The following CASTOR1 variants were observed in gnomAD, a reference collection of about 807,000 sequenced individuals.
CASTOR1 encodes the protein cytosolic arginine sensor for mTORC1 subunit 1, also known as GATS protein like 3.
Under a neutral mutation model 33.7 loss-of-function variants are expected in CASTOR1, and 18 were observed. The ratio of observed to expected loss-of-function variants is 0.53; its 90% confidence interval spans 0.37 to 0.79. The LOEUF is 0.79. CASTOR1 is among the 30% of genes least tolerant of loss of function. The pLI is 0.00. For synonymous variants in CASTOR1, 175 were observed against 190.6 expected, an observed-to-expected ratio of 0.92 and a Z score of 0.67; for missense variants, 362 against 446.3, an observed-to-expected ratio of 0.81 and a Z score of 1.70.
At chr22:30,288,798 C>T (rs28619211) in intron 1 of CASTOR1, 22 bp from the exon 2 acceptor site, 2 of 1,601,268 alleles carry the variant, frequency 1.2e-6, no homozygotes, top group Non-Finnish European at 1.7e-6. Flanking sequence ...TGGGGAGCAT[C>T]TTCAGCTTGG....
rs762856019 is a variant in CASTOR1, at chr22:30,286,319, G to A, written c.687C>T (p.Ala229=). Residue 229 remains alanine, a synonymous_variant, in exon 6 of 9, where the codon GCC becomes GCT. Coordinates refer to ENST00000407689, the MANE Select transcript of CASTOR1 (RefSeq NM_001037666.3). The part of the protein sequence containing the change: ...SPEPSSITFF[A]FSLIEGYISI... ...AGATATAACCCTCGATGAGGGAGAAGGCAAAGAACGTGATGGAGCTGGGTT... is the reference window on the plus strand; with the variant it reads ...AGATATAACCCTCGATGAGGGAGAAAGCAAAGAACGTGATGGAGCTGGGTT... 7.4e-6 allele frequency: 12 copies of A among 1,614,048 alleles called. No individual in the cohort carries two copies. The Admixed American group carries it at 1.5e-4, about 20-fold the overall frequency.
chr22:30,285,888 C>A lies in CASTOR1; in HGVS notation c.865G>T (p.Ala289Ser). 1 of 1,609,670 alleles carries A rather than the reference C, an allele frequency of 6.2e-7. No homozygotes were observed. Among genetic ancestry groups the A allele is most frequent in the Non-Finnish European group, 8.5e-7 (1 of 1,178,494 alleles). Residue 289 changes from alanine to serine, a missense_variant, in exon 8 of 9, where the codon GCT becomes TCT. Ala to Ser is a moderately conservative substitution (Grantham distance 99). Transcript: ENST00000407689. ...TAGTAGGCAGAGATGTCAGCGGCAG[C>A]CAGGGGACCTGCAATCTGTGCCACG... ...GIVAQIAGPL[A>S]AADISAYYIS...
At chr22:30,287,022 C>T (rs978698378) in intron 4 of CASTOR1, 74 bp from the exon 5 acceptor site, 2 of 1,563,792 alleles carry the variant, frequency 1.3e-6, no homozygotes, top group Admixed American at 1.8e-5. Flanking sequence ...CAGGGAGAGG[C>T]GTGGGCCAGG....
At chr22:30,287,043 G>C in intron 4 of CASTOR1, 95 bp from the exon 5 acceptor site, 1 of 1,553,264 alleles carries the variant, frequency 6.4e-7, no homozygotes, top group Non-Finnish European at 8.7e-7. Context: ...GGCAGGTCTT[G>C]CTATCCAGGA....
rs1360258670 is a variant in CASTOR1, at chr22:30,289,493, T to C, written c.5A>G (p.Glu2Gly). 3.8e-6 allele frequency: 6 copies of C among 1,568,364 alleles called. No individual in the cohort carries two copies. Among genetic ancestry groups the C allele is most frequent in the Non-Finnish European group, 5.2e-6 (6 of 1,164,252 alleles). ...CACCCGGTGTTCTAGGATGTGCAGC[T>C]CCATCGCGGCTCGCGCGGACCCGAC... is the stretch of plus-strand genomic sequence containing the variant. Reference protein sequence around the residue: MELHILEHRVRV... With the variant: MGLHILEHRVRV... The change falls in exon 1 of 9, where the codon GAG (glutamate) becomes GGG (glycine). Residue 2 changes from glutamate (E) to glycine (G), a missense_variant. Physicochemically the swap from Glu to Gly is moderately conservative, Grantham distance 98. Coordinates refer to ENST00000407689, the MANE Select transcript of CASTOR1 (RefSeq NM_001037666.3).
Position 30,285,939 on chromosome 22 carries a change from G to A in CASTOR1, c.827-13C>T. The A allele has an allele frequency of 1.3e-6, 2 of 1,597,120 alleles. No individual in the cohort carries two copies. The highest frequency in any genetic ancestry group is 1.7e-6 in the Non-Finnish European group (2 of 1,172,340). On this transcript the variant is annotated splice_polypyrimidine_tract_variant and intron_variant, in intron 7 of 8. Transcript: ENST00000407689. ...ATGCCACATTCATCTGAGGGTGGTG[G>A]AGGAAGGCCACATGTGGCACATGCC...
At position 30,286,391 on chromosome 22, in the gene CASTOR1, G is replaced by C; in HGVS notation, c.630-15C>G. The C allele has an allele frequency of 1.3e-6, 2 of 1,555,522 alleles. No individual in the cohort carries two copies. Among genetic ancestry groups the C allele is most frequent in the Non-Finnish European group, 1.8e-6 (2 of 1,127,636 alleles). On this transcript the variant is annotated splice_polypyrimidine_tract_variant and intron_variant, in intron 5 of 8. Coordinates refer to ENST00000407689, the MANE Select transcript of CASTOR1 (RefSeq NM_001037666.3). ...CCTTGGGGGTGCTGGGGAGGGATGG[G>C]AGGTTTAGGGGCTCTACCAGGCACC...
Position 30,289,492 on chromosome 22 carries a change from C to A in CASTOR1, c.6G>T (p.Glu2Asp), listed in dbSNP as rs950853836. Residue 2 changes from glutamate to aspartate, a missense_variant, in exon 1 of 9, where the codon GAG (glutamate) becomes GAT (aspartate). Transcript: ENST00000407689. ...GCACCCGGTGTTCTAGGATGTGCAG[C>A]TCCATCGCGGCTCGCGCGGACCCGA... M[E>D]LHILEHRVRV... The A allele has an allele frequency of 1.3e-6, 2 of 1,570,452 alleles. No homozygotes were observed. Among genetic ancestry groups the A allele is most frequent in the Non-Finnish European group, 8.6e-7 (1 of 1,165,026 alleles).
At chr22:30,287,991 T>C (rs1428533795) in intron 2 of CASTOR1, 1 of 427,448 alleles carries the variant, frequency 2.3e-6, no homozygotes, top group Admixed American at 2.6e-5. Flanking sequence ...CTTCCCCTTT[T>C]GCAGACCCAG....
At chr22:30,286,154 T>C in intron 6 of CASTOR1, 56 bp from the exon 7 acceptor site, 1 of 1,447,848 alleles carries the variant, frequency 6.9e-7, no homozygotes, top group South Asian at 1.3e-5. Context: ...TGCCTGACCG[T>C]GAGCTCTGGG....
At chr22:30,289,316 T>G in intron 1 of CASTOR1, 69 bp downstream of exon 1, 1 of 1,167,646 alleles carries the variant, frequency 8.6e-7, no homozygotes, top group Non-Finnish European at 1.2e-6. Flanking sequence ...ATCCTAATCC[T>G]CCGACCCTGG....
At position 30,286,074 on chromosome 22, in the gene CASTOR1, G is replaced by C; in HGVS notation, c.768C>G (p.Thr256=). 6.3e-7 allele frequency: 1 copy of C among 1,579,730 alleles called. No individual in the cohort carries two copies. Among genetic ancestry groups the C allele is most frequent in the Non-Finnish European group, 8.6e-7 (1 of 1,161,062 alleles). Residue 256 remains threonine (T), a synonymous_variant, in exon 7 of 9, where the codon ACC becomes ACG. Transcript: ENST00000407689. ...TCCTCCACAGCTCCCCCGAGGAGCT[G>C]GTCAGCAGGAGGTCACTGGGGAACC... is the stretch of plus-strand genomic sequence containing the variant. ...QKKFPSDLLL[T]SSSGELWRMV...
rs5753058 is a variant in CASTOR1, at chr22:30,287,296, C to G, written c.373-9G>C. The G allele has an allele frequency of 0.22, 350,344 of 1,572,102 alleles. 41,023 individuals carry two copies. The highest frequency in any genetic ancestry group is 0.28 in the Middle Eastern group (1,624 of 5,876). On this transcript the variant is annotated splice_polypyrimidine_tract_variant and intron_variant, in intron 3 of 8. Transcript: ENST00000407689. ...AGGTCCTGCTCCCGCACCTGGGCCA[C>G]AGCAGATGGCACATCACATGGGCTC...
chr22:30,287,150 C>A lies in CASTOR1; in HGVS notation c.505+5G>T, dbSNP rs746338978. 3.7e-6 allele frequency: 6 copies of A among 1,608,526 alleles called. No homozygotes were observed. In the South Asian group the frequency reaches 4.4e-5, roughly 12 times the overall value. ...CAAGTCCAAGTGTCAGGGGGCGGCC[C>A]TCACCATGCTGAGTGCGGGGAAAGC... is the stretch of plus-strand genomic sequence containing the variant. On this transcript the variant is annotated splice_donor_5th_base_variant and intron_variant, in intron 4 of 8. Transcript: ENST00000407689.
intron 2 of CASTOR1, 110 bp from the exon 3 acceptor site, chr22:30,287,670 G>A: frequency 2.8e-6 from 3 of 1,077,180 alleles, no homozygotes; most frequent in Non-Finnish European, 4.0e-6. Flanking sequence ...GGTAAGGGCA[G>A]GTCTGGAGGC....
Position 30,288,718 on chromosome 22 carries a change from C to T in CASTOR1, c.172G>A (p.Glu58Lys), listed in dbSNP as rs1013339327. 2 of 1,612,766 alleles carry T rather than the reference C, an allele frequency of 1.2e-6. No individual in the cohort carries two copies. The highest frequency in any genetic ancestry group is 1.7e-6 in the Non-Finnish European group (2 of 1,179,514). The change falls in exon 2 of 9, where the codon GAG becomes AAG. Residue 58 changes from glutamate (E) to lysine (K), a missense_variant. By Grantham distance (56) the Glu-to-Lys change is moderately conservative. Coordinates refer to ENST00000407689, the MANE Select transcript of CASTOR1 (RefSeq NM_001037666.3). ...GACCAACCCCCACCTTTAAAGCCCTCCTCGTCCACCATAAGCGTGTAATCC... is the reference window on the plus strand; with the variant it reads ...GACCAACCCCCACCTTTAAAGCCCTTCTCGTCCACCATAAGCGTGTAATCC... Reference protein sequence around the residue: ...PEDYTLMVDEEGFKELPPSEF... With the variant: ...PEDYTLMVDEKGFKELPPSEF...
chr22:30,289,277 C>A (rs1335712659), intron 1 of CASTOR1, 108 bp downstream of exon 1: 2 of 875,860 alleles, frequency 2.3e-6, no homozygotes, highest in African/African-American at 1.7e-5. Flanking sequence ...CCACCCGCTC[C>A]CGCCCGCCTG....
At position 30,286,499 on chromosome 22, in the gene CASTOR1, C is replaced by T; in HGVS notation, c.630-123G>A. ...GTGGCCTGGGCAGGCTCTGCCATATCTGCTACCCGCCCAAGGGTCCAGCCC... is the reference window on the plus strand; with the variant it reads ...GTGGCCTGGGCAGGCTCTGCCATATTTGCTACCCGCCCAAGGGTCCAGCCC... On this transcript the variant is annotated intron_variant, in intron 5 of 8. Transcript: ENST00000407689. 6 of 726,110 alleles carry T rather than the reference C, an allele frequency of 8.3e-6. No homozygotes were observed. In the South Asian group the frequency reaches 1.0e-4, roughly 12 times the overall value. The allele number at this position is 726,110 out of a possible 1,614,324, so 45.0% of individuals were successfully genotyped here. A position where few individuals can be genotyped will look rare whatever the true frequency, so the allele number is the denominator to read the frequency against.
At chr22:30,286,586 G>A in intron 5 of CASTOR1, 1 of 669,606 alleles carries the variant, frequency 1.5e-6, no homozygotes, top group Admixed American at 2.5e-5. Context: ...AAAAACAAAG[G>A]ATTCCACGGT....
Sources: gnomAD v4.1 joint callset for allele counts on GRCh38, gnomAD v4.1.1 for gene constraint, MANE v1.5 for transcripts, NCBI Gene and HGNC (gene_info 2026-07-23, HGNC 2026-07-21) for gene names.